The following VWDE variants were observed in gnomAD, a reference collection of about 807,000 sequenced individuals.
The protein encoded by VWDE is von Willebrand factor D and EGF domain-containing protein.
A neutral mutation model predicts 178.4 loss-of-function variants in VWDE; 207 were observed. The ratio of observed to expected loss-of-function variants is 1.16; its 90% CI spans 1.04 to 1.30. The LOEUF (loss-of-function observed/expected upper bound fraction) is 1.30. Ranked by LOEUF, VWDE falls within the 50% of genes most tolerant of loss-of-function variation. The probability of loss-of-function intolerance (pLI) is 0.00; values close to 1 mark genes in which losing one functional copy is unlikely to be tolerated. For missense variants in VWDE, 2,287 were observed against 1,901.3 expected, an observed-to-expected ratio of 1.20 and a Z score of -3.77; for synonymous variants, 738 against 651.4, an observed-to-expected ratio of 1.13 and a Z score of -2.02.
intron 19 of VWDE, among the ~76,000 whole-genome samples, chr7:12,350,917 C>CA (rs1215440089): frequency 1.3e-5 from 2 of 151,884 alleles, no homozygotes; most frequent in Non-Finnish European, 2.9e-5. Context: ...CCCCTATTTG[C>CA]AAAAAACAAT....
chr7:12,387,162 T>A lies in VWDE; in HGVS notation c.475+1965A>T, dbSNP rs570446657. ...TTCAAAACACTGAAATAAAATTATA[T>A]GTTGAGAACATTGTCTTAGTTTCTA... is the stretch of plus-strand genomic sequence containing the variant. On this transcript the variant is annotated intron_variant, in intron 3 of 28. Transcript: ENST00000275358. Among the ~76,000 whole-genome samples, 11 of 152,296 alleles carry A rather than the reference T, an allele frequency of 7.2e-5. No individual in the cohort carries two copies. The South Asian group carries it at 1.7e-3, about 23-fold the overall frequency.
intron 19 of VWDE, among the ~76,000 whole-genome samples, chr7:12,345,904 G>T (rs6977409): frequency 0.017 from 2,587 of 152,176 alleles, 73 homozygotes; most frequent in African/African-American, 0.06. Context: ...GCGGGAGTAG[G>T]AGTAAATCTT....
chr7:12,371,794 G>T (rs1308762172), intron 10 of VWDE, among the ~76,000 whole-genome samples: 1 of 151,966 alleles, frequency 6.6e-6, no homozygotes, highest in Non-Finnish European at 1.5e-5. Context: ...TGACTACAAA[G>T]TATTCTACTA....
chr7:12,400,546 C>G (rs1392092037), intron 1 of VWDE, among the ~76,000 whole-genome samples: 5 of 151,988 alleles, frequency 3.3e-5, no homozygotes, highest in African/African-American at 1.2e-4. Context: ...GTAAAAATAT[C>G]AAATCAGTCA....
intron 22 of VWDE, among the ~76,000 whole-genome samples, 187 bp downstream of exon 22, chr7:12,342,896 T>A (rs10229123): frequency 6.8e-6 from 1 of 147,142 alleles, no homozygotes; most frequent in Non-Finnish European, 1.5e-5. Context: ...TGTGATCCCA[T>A]TGTTCAATTC....
intron 1 of VWDE, among the ~76,000 whole-genome samples, chr7:12,403,336 G>A (rs1013053059): frequency 2.0e-5 from 3 of 152,158 alleles, no homozygotes; most frequent in Admixed American, 6.5e-5. Flanking sequence ...CAGATCCGGC[G>A]AAAGTTTCTT....
intron 2 of VWDE, among the ~76,000 whole-genome samples, chr7:12,393,235 G>A (rs928703125): frequency 1.3e-5 from 2 of 152,130 alleles, no homozygotes; most frequent in Admixed American, 1.3e-4. Flanking sequence ...CCTGGAGAAC[G>A]ACTGCCTGTA....
At chr7:12,363,521 A>T in intron 13 of VWDE, among the ~76,000 whole-genome samples, 1 of 152,040 alleles carries the variant, frequency 6.6e-6, no homozygotes, top group Non-Finnish European at 1.5e-5. Flanking sequence ...TCTCTAGCTA[A>T]AGACTTGCTT....
intron 2 of VWDE, among the ~76,000 whole-genome samples, chr7:12,392,164 A>T (rs959086283): frequency 2.6e-5 from 4 of 152,228 alleles, no homozygotes; most frequent in African/African-American, 7.2e-5. Flanking sequence ...ACTCATGCTT[A>T]GTGTCTGTGT....
intron 13 of VWDE, among the ~76,000 whole-genome samples, chr7:12,365,515 C>T (rs542907078): frequency 1.1e-4 from 17 of 152,112 alleles, no homozygotes; most frequent in African/African-American, 3.1e-4. Context: ...ACCCAATCTT[C>T]GAAGGGAACT....
At chr7:12,395,359 A>G (rs1362775712) in intron 1 of VWDE, among the ~76,000 whole-genome samples, 2 of 152,178 alleles carry the variant, frequency 1.3e-5, no homozygotes, top group African/African-American at 2.4e-5. Flanking sequence ...ATAAATTATT[A>G]AAATGTTTTC....
intron 24 of VWDE, 34 bp from the exon 25 acceptor site, chr7:12,337,306 T>G: frequency 6.7e-7 from 1 of 1,499,492 alleles, no homozygotes; most frequent in South Asian, 1.2e-5. Flanking sequence ...CTGTGAATAT[T>G]ACACATCCCA....
chr7:12,340,181 G>T, intron 24 of VWDE, 141 bp downstream of exon 24: 1 of 628,966 alleles, frequency 1.6e-6, no homozygotes, highest in Non-Finnish European at 2.8e-6. Context: ...TAGTAATTTG[G>T]TGGGCATACT....
chr7:12,380,371 ATATT>A, intron 5 of VWDE, 111 bp downstream of exon 5: 2 of 1,367,104 alleles, frequency 1.5e-6, no homozygotes, highest in Non-Finnish European at 1.9e-6. Context: ...AAAAAGAAAA[ATATT>A]AGGGCTTTAT....
chr7:12,351,143 G>T (rs1041282312), intron 19 of VWDE, among the ~76,000 whole-genome samples: 1 of 152,098 alleles, frequency 6.6e-6, no homozygotes, highest in African/African-American at 2.4e-5. Flanking sequence ...AAATGTACAA[G>T]AACTTTATGA....
intron 23 of VWDE, among the ~76,000 whole-genome samples, chr7:12,341,146 T>C (rs569033176): frequency 2.0e-5 from 3 of 147,682 alleles, no homozygotes; most frequent in Non-Finnish European, 4.4e-5. Flanking sequence ...AATTTTATAA[T>C]TTTATAATTC....
chr7:12,369,470 G>A (rs1400129125), intron 12 of VWDE, 75 bp downstream of exon 12: 7 of 1,432,912 alleles, frequency 4.9e-6, no homozygotes, highest in Middle Eastern at 2.4e-4. Context: ...GGATACTGAG[G>A]GTGAAATAAA....
chr7:12,380,039 A>T (rs1047452333), intron 5 of VWDE, among the ~76,000 whole-genome samples: 1 of 151,792 alleles, frequency 6.6e-6, no homozygotes, highest in African/African-American at 2.4e-5. Flanking sequence ...CGGAGGTTGC[A>T]GTGAGCAACC....
intron 18 of VWDE, among the ~76,000 whole-genome samples, chr7:12,355,520 T>A (rs1242284359): frequency 6.6e-6 from 1 of 152,124 alleles, no homozygotes; most frequent in Non-Finnish European, 1.5e-5. Flanking sequence ...ATCAGCTCAT[T>A]AACTATATAT....
Sources: gnomAD v4.1 joint callset for allele counts (sites outside exome capture counted in the v4.1 genomes callset) on GRCh38, gnomAD v4.1.1 for gene constraint, MANE v1.5 for transcripts, NCBI Gene and HGNC (gene_info 2026-07-23, HGNC 2026-07-21) for gene names.